The following SERINC5 variants were observed in gnomAD, a reference collection of about 807,000 sequenced individuals.
The protein encoded by SERINC5 is serine incorporator 5.
SERINC5 carries 41 observed loss-of-function variants against 63.1 expected under a neutral mutation model. The ratio of observed to expected loss-of-function variants is 0.65; its 90% CI spans 0.51 to 0.84. The LOEUF is 0.84. Ranked by LOEUF, SERINC5 falls within the 40% of genes least tolerant of loss-of-function variation. SERINC5 has a pLI of 0.00. For missense variants in SERINC5, 523 were observed against 573.0 expected, an observed-to-expected ratio of 0.91 and a Z score of 0.89; for synonymous variants, 222 against 215.2, an observed-to-expected ratio of 1.03 and a Z score of -0.28.
chr5:80,180,533 C>A (rs911589226), intron 2 of SERINC5, among the ~76,000 whole-genome samples: 5 of 152,106 alleles, frequency 3.3e-5, no homozygotes, highest in African/African-American at 1.2e-4. Flanking sequence ...ATAATTAAGC[C>A]AGAGCTTGAG....
chr5:80,140,171 CG>C lies in SERINC5; in HGVS notation c.*3491del, dbSNP rs1245186018. The C allele has an allele frequency of 1.3e-6, 1 of 754,596 alleles. No individual in the cohort carries two copies. Among genetic ancestry groups the C allele is most frequent in the Non-Finnish European group, 1.6e-6 (1 of 620,060 alleles). 46.7% of individuals were successfully genotyped at this position (754,596 alleles called of 1,614,324 possible). ...CCCATCTCTACAAAAAAATAAAAATCGGCCAGGTGTGATGGGGCAAACCTGT... is the reference window on the plus strand; with the variant it reads ...CCCATCTCTACAAAAAAATAAAAATCGCCAGGTGTGATGGGGCAAACCTGT... On this transcript the variant is annotated 3_prime_UTR_variant, in exon 12 of 12. Coordinates refer to ENST00000507668, the MANE Select transcript of SERINC5 (RefSeq NM_001174072.3).
chr5:80,130,982 A>C (rs1744924142), intron 11 of SERINC5, among the ~76,000 whole-genome samples: 4 of 152,362 alleles, frequency 2.6e-5, no homozygotes, highest in Admixed American at 6.5e-5. Flanking sequence ...AAAGCAGTAA[A>C]GTAGGGTAGG....
chr5:80,177,598 C>A (rs1196124700), intron 3 of SERINC5, among the ~76,000 whole-genome samples: 11 of 152,144 alleles, frequency 7.2e-5, no homozygotes, highest in Admixed American at 3.9e-4. Flanking sequence ...TCCAGTTGTG[C>A]AAAACACCAT....
chr5:80,254,802 T>A (rs1752577606), intron 1 of SERINC5, among the ~76,000 whole-genome samples: 1 of 152,142 alleles, frequency 6.6e-6, no homozygotes, highest in African/African-American at 2.4e-5. Flanking sequence ...CCAAGCACAG[T>A]ATTAGACCTC....
At chr5:80,193,396 G>C (rs1395420603) in intron 2 of SERINC5, among the ~76,000 whole-genome samples, 1 of 152,082 alleles carries the variant, frequency 6.6e-6, no homozygotes, top group African/African-American at 2.4e-5. Context: ...AGGCTACTCC[G>C]AGGCCCTGTC....
At position 80,142,596 on chromosome 5, in the gene SERINC5, T is replaced by A. The variant is rs1745576379; in HGVS notation, c.*1067A>T. The A allele has an allele frequency of 1.0e-6, 1 of 985,304 alleles. No homozygotes were observed. Among genetic ancestry groups the A allele is most frequent in the South Asian group, 4.7e-5 (1 of 21,290 alleles). The allele number at this position is 985,304 out of a possible 1,614,324, so 61.0% of individuals were successfully genotyped here. A position where few individuals can be genotyped will look rare whatever the true frequency, so the allele number is the denominator to read the frequency against. Reference sequence around the variant, plus strand: ...TCAGAAATTCTCACATTAGCAAACCTACTCCAAGGATGCCAGCATGAACCT... The same window carrying A: ...TCAGAAATTCTCACATTAGCAAACCAACTCCAAGGATGCCAGCATGAACCT... On this transcript the variant is annotated 3_prime_UTR_variant, in exon 12 of 12. Coordinates refer to ENST00000507668, the MANE Select transcript of SERINC5 (RefSeq NM_001174072.3).
chr5:80,126,876 G>A (rs1744765828), intron 11 of SERINC5, among the ~76,000 whole-genome samples: 1 of 152,142 alleles, frequency 6.6e-6, no homozygotes, highest in Admixed American at 6.5e-5. Flanking sequence ...TTACAGGCAT[G>A]CGATACCAAG....
rs542774284 is a variant in SERINC5 at position 80,156,324 on chromosome 5, G to GA, written c.986+2511dup. Among the ~76,000 whole-genome samples the GA allele has an allele frequency of 3.7e-3, 566 of 152,250 alleles. 4 individuals carry two copies. The highest frequency in any genetic ancestry group is 0.013 in the African/African-American group (534 of 41,544). The stretch of plus-strand genomic sequence containing the variant: ...ACAAACTCTTCAGAAGTCCAGATCT[G>GA]AAAAAACCCTAGTTGGGCTAACTCC... On this transcript the variant is annotated intron_variant, in intron 8 of 11. Coordinates refer to ENST00000507668, the MANE Select transcript of SERINC5 (RefSeq NM_001174072.3).
chr5:80,214,631 T>C (rs1269551880), intron 1 of SERINC5, among the ~76,000 whole-genome samples: 1 of 151,982 alleles, frequency 6.6e-6, no homozygotes, highest in African/African-American at 2.4e-5. Flanking sequence ...GAGCAGTGGC[T>C]CATGCCTGTA....
chr5:80,148,975 G>A (rs939266527), intron 9 of SERINC5, among the ~76,000 whole-genome samples: 24 of 152,166 alleles, frequency 1.6e-4, no homozygotes, highest in African/African-American at 5.1e-4. Context: ...CCCAAGACAC[G>A]GTATGCTGAG....
In SERINC5 at chr5:80,142,555, G is replaced by A; in HGVS notation, c.*1108C>T. 1.6e-5 allele frequency: 16 copies of A among 985,406 alleles called. No individual in the cohort carries two copies. Among genetic ancestry groups the A allele is most frequent in the Non-Finnish European group, 1.9e-5 (16 of 829,926 alleles). The allele number at this position is 985,406 out of a possible 1,614,324, so 61.0% of individuals were successfully genotyped here. On this transcript the variant is annotated 3_prime_UTR_variant, in exon 12 of 12. Coordinates refer to ENST00000507668, the MANE Select transcript of SERINC5 (RefSeq NM_001174072.3). ...CTAACAAGCTTCTTCTGGTCAGTGT[G>A]TCTGAGATCCTCACCTCAGAAATTC...
At chr5:80,202,791 T>C in intron 2 of SERINC5, 95 bp downstream of exon 2, 1 of 1,247,014 alleles carries the variant, frequency 8.0e-7, no homozygotes, top group Non-Finnish European at 1.1e-6. Context: ...CCAAAACACA[T>C]GGGGGTACAT....
At chr5:80,218,151 A>G (rs1750749564) in intron 1 of SERINC5, among the ~76,000 whole-genome samples, 2 of 152,244 alleles carry the variant, frequency 1.3e-5, no homozygotes, top group Admixed American at 1.3e-4. Context: ...GGCAGTTTCA[A>G]GTGTCTCAGA....
chr5:80,116,594 C>T (rs547940245), intron 11 of SERINC5, among the ~76,000 whole-genome samples: 7 of 152,198 alleles, frequency 4.6e-5, no homozygotes, highest in Admixed American at 6.5e-5. Context: ...TGAGCTCAGA[C>T]GCTAGTGGCA....
chr5:80,122,392 G>A (rs930424193), intron 11 of SERINC5, among the ~76,000 whole-genome samples: 4 of 151,904 alleles, frequency 2.6e-5, no homozygotes, highest in African/African-American at 7.3e-5. Context: ...TATTCTAGCA[G>A]TGCTGGCAGC....
intron 1 of SERINC5, among the ~76,000 whole-genome samples, chr5:80,250,105 T>C (rs148345538): frequency 5.6e-4 from 85 of 152,272 alleles, no homozygotes; most frequent in African/African-American, 2.0e-3. Flanking sequence ...TAGGTCACAA[T>C]AAGTGCTCTG....
chr5:80,201,060 T>C (rs978150337), intron 2 of SERINC5, among the ~76,000 whole-genome samples: 9 of 151,498 alleles, frequency 5.9e-5, no homozygotes, highest in South Asian at 4.2e-4. Flanking sequence ...GATCGCGCCA[T>C]TGCACTCCAG....
At chr5:80,203,263 T>TATAC in intron 1 of SERINC5, 1 of 229,736 alleles carries the variant, frequency 4.4e-6, no homozygotes, top group Non-Finnish European at 8.5e-6. Flanking sequence ...TACACATATA[T>TATAC]ATATATATGT....
At chr5:80,130,513 C>T (rs1744904392) in intron 11 of SERINC5, among the ~76,000 whole-genome samples, 1 of 152,188 alleles carries the variant, frequency 6.6e-6, no homozygotes, top group Non-Finnish European at 1.5e-5. Flanking sequence ...TCTGTAATTA[C>T]ATCTTCCCGG....
Sources: gnomAD v4.1 joint callset for allele counts (sites outside exome capture counted in the v4.1 genomes callset) on GRCh38, gnomAD v4.1.1 for gene constraint, MANE v1.5 for transcripts, NCBI Gene and HGNC (gene_info 2026-07-23, HGNC 2026-07-21) for gene names.